COL28A1: variants seen among roughly 807,000 people sequenced by gnomAD.
COL28A1 encodes the protein collagen type XXVIII alpha 1 chain, also known as collagen alpha-1(XXVIII) chain.
In COL28A1, 161 loss-of-function variants were observed where a neutral mutation model predicts 150.2. The observed-to-expected ratio is 1.07, with a 90% CI of 0.94 to 1.22. The LOEUF is 1.22. Among genes scored for constraint, COL28A1 ranks in the 50% most tolerant of loss-of-function variants. COL28A1 has a pLI of 0.00. For missense variants in COL28A1, 1,617 were observed against 1,388.3 expected (o/e 1.16, Z -2.62); for synonymous variants, 552 against 469.7 (o/e 1.18, Z -2.26).
chr7:7,410,079 G>A (rs960652668), intron 27 of COL28A1, among the ~76,000 whole-genome samples: 5 of 152,082 alleles, frequency 3.3e-5, no homozygotes, highest in Non-Finnish European at 7.4e-5. Context: ...AGGAATGAAA[G>A]CAACTTGGTC....
In COL28A1 at chr7:7,358,691, C is replaced by T; in HGVS notation, c.3320G>A (p.Gly1107Asp). The change falls in exon 35 of 35, where the codon GGC (glycine) becomes GAC (aspartate). Residue 1107 changes from glycine to aspartate, a missense_variant. By Grantham distance (94) the Gly-to-Asp change is moderately conservative (BLOSUM62 -1). Coordinates refer to ENST00000399429, the MANE Select transcript of COL28A1 (RefSeq NM_001037763.3). ...CARFWFSGCN[G>D]SGNRFNSEKE... ...TTCACTGTTGAATCTATTTCCTGAG[C>T]CATTACAGCCACTGAACCAAAATCG... is the stretch of plus-strand genomic sequence containing the variant. The T allele has an allele frequency of 6.2e-7, 1 of 1,613,998 alleles. No individual in the cohort carries two copies. Among genetic ancestry groups the T allele is most frequent in the South Asian group, 1.1e-5 (1 of 91,070 alleles).
At chr7:7,340,757 G>A in the COL28A1 span, among the ~76,000 whole-genome samples, 4 of 151,784 alleles carry the variant, frequency 2.6e-5, no homozygotes, top group African/African-American at 9.7e-5. Flanking sequence ...ACATACAGAC[G>A]ACATATCCTT....
chr7:7,418,610 C>G (rs1476232864), intron 26 of COL28A1, among the ~76,000 whole-genome samples: 1 of 152,102 alleles, frequency 6.6e-6, no homozygotes, highest in African/African-American at 2.4e-5. Context: ...CCAGAAGTTC[C>G]TAAATTAACA....
chr7:7,364,787 C>T (rs1476780232), intron 33 of COL28A1, among the ~76,000 whole-genome samples: 2 of 152,122 alleles, frequency 1.3e-5, no homozygotes, highest in Non-Finnish European at 2.9e-5. Flanking sequence ...ATACCACTTC[C>T]CTGATAAAAG....
Position 7,360,547 on chromosome 7 carries a change from A to C in COL28A1, c.3067-19T>G. On this transcript the variant is annotated intron_variant, in intron 33 of 34. Coordinates refer to ENST00000399429, the MANE Select transcript of COL28A1 (RefSeq NM_001037763.3). ...CACTCAACTACACAAAAATATTCACATTTTGTGTTTCTGATAATATCAAGT... is the reference window on the plus strand; with the variant it reads ...CACTCAACTACACAAAAATATTCACCTTTTGTGTTTCTGATAATATCAAGT... 3.8e-6 allele frequency: 6 copies of C among 1,588,216 alleles called. No homozygotes were observed. The highest frequency in any genetic ancestry group is 5.1e-6 in the Non-Finnish European group (6 of 1,171,908).
intron 15 of COL28A1, among the ~76,000 whole-genome samples, chr7:7,464,652 A>G (rs1787919640): frequency 1.3e-5 from 2 of 152,248 alleles, no homozygotes; most frequent in African/African-American, 4.8e-5. Context: ...CCTCTGGGAT[A>G]CTGCAAAGGC....
chr7:7,472,381 C>T (rs925430364), intron 15 of COL28A1, among the ~76,000 whole-genome samples: 52 of 151,424 alleles, frequency 3.4e-4, no homozygotes, highest in African/African-American at 1.2e-3. Context: ...CAACAGCAAA[C>T]AAGCCGAGAA....
chr7:7,532,770 T>C lies in COL28A1; in HGVS notation c.106A>G (p.Arg36Gly). ...KKGPKSNLLA[R>G]KSDVQGSICF... ...TTTTTACCCTGGACATCACTTTTCC[T>C]TGCAAGCAAATTTGATTTTGGTCCT... The change falls in exon 2 of 35, where the codon AGG (arginine) becomes GGG (glycine). Residue 36 changes from arginine to glycine, a missense_variant. Arg to Gly is a moderately radical substitution (Grantham distance 125, BLOSUM62 -2). Coordinates refer to ENST00000399429, the MANE Select transcript of COL28A1 (RefSeq NM_001037763.3). The C allele has an allele frequency of 6.2e-7, 1 of 1,610,626 alleles. No individual in the cohort carries two copies. Among genetic ancestry groups the C allele is most frequent in the Non-Finnish European group, 8.5e-7 (1 of 1,178,868 alleles).
intron 27 of COL28A1, 46 bp downstream of exon 27, chr7:7,417,813 C>T (rs191909436): frequency 6.6e-7 from 1 of 1,515,396 alleles, no homozygotes; most frequent in African/African-American, 1.4e-5. Context: ...CTCCCAATCA[C>T]TCTGGTGAAA....
chr7:7,542,715 A>C, the COL28A1 span, among the ~76,000 whole-genome samples: 2 of 152,194 alleles, frequency 1.3e-5, no homozygotes, highest in Non-Finnish European at 2.9e-5. Context: ...CAGGGTTGTG[A>C]CATGATCACA....
intron 11 of COL28A1, among the ~76,000 whole-genome samples, chr7:7,493,409 C>T (rs557436547): frequency 7.2e-5 from 11 of 152,110 alleles, no homozygotes; most frequent in Admixed American, 5.2e-4. Flanking sequence ...AAGCAGCTCT[C>T]TTACCTTGAG....
rs142749159 is a variant in COL28A1, at chr7:7,461,933, C to T, written c.1303-5821G>A. On this transcript the variant is annotated intron_variant, in intron 15 of 34. Transcript: ENST00000399429. ...CACCACCTCCCAGGAGGAGGCCAAC[C>T]GGCACAAAAATACTGTACTAACCAA... is the stretch of plus-strand genomic sequence containing the variant. Among the ~76,000 whole-genome samples the T allele has an allele frequency of 5.0e-3, 761 of 152,196 alleles. 5 individuals are homozygous for T. The highest frequency in any genetic ancestry group is 0.022 in the East Asian group (115 of 5,170).
At chr7:7,444,872 A>T (rs911583490) in intron 18 of COL28A1, among the ~76,000 whole-genome samples, 16 of 152,106 alleles carry the variant, frequency 1.1e-4, no homozygotes, top group Admixed American at 4.6e-4. Context: ...TTGAATTGTA[A>T]TTCCCAGTGT....
chr7:7,482,677 C>T (rs1378456143), intron 13 of COL28A1, among the ~76,000 whole-genome samples: 1 of 152,004 alleles, frequency 6.6e-6, no homozygotes, highest in Non-Finnish European at 1.5e-5. Flanking sequence ...GGAAAGCAAG[C>T]AAGCAAGCAA....
chr7:7,369,735 A>C (rs1562478980), intron 33 of COL28A1, among the ~76,000 whole-genome samples: 1 of 152,210 alleles, frequency 6.6e-6, no homozygotes, highest in African/African-American at 2.4e-5. Context: ...CCCTGAGTCC[A>C]ACTACTGATC....
intron 27 of COL28A1, among the ~76,000 whole-genome samples, chr7:7,395,854 T>C (rs1451606515): frequency 6.6e-6 from 1 of 152,206 alleles, no homozygotes; most frequent in East Asian, 1.9e-4. Flanking sequence ...AATTACGTTA[T>C]TGCTAATTAG....
At position 7,440,815 on chromosome 7, in the gene COL28A1, C is replaced by A. The variant is rs2128320040; in HGVS notation, c.1697G>T (p.Gly566Val). 6.5e-7 allele frequency: 1 copy of A among 1,529,284 alleles called. No homozygotes were observed. The highest frequency in any genetic ancestry group is 2.3e-5 in the East Asian group (1 of 44,390). The allele number at this position is 1,529,284 out of a possible 1,614,324, so 94.7% of individuals were successfully genotyped here. A position where few individuals can be genotyped will look rare whatever the true frequency, so the allele number is the denominator to read the frequency against. The change falls in exon 21 of 35, where the codon GGA (glycine) becomes GTA (valine). Residue 566 changes from glycine (G) to valine (V), a missense_variant. Gly to Val is a moderately radical substitution (Grantham distance 109, BLOSUM62 -3). Transcript: ENST00000399429. ...KGSKGNQGQR[G>V]LPGPEGPKGE... ...CTTTGGTCCTTCGGGCCCTGGAAGT[C>A]CCCTCTGTCCTTGATTTCCTTTGCT...
intron 25 of COL28A1, among the ~76,000 whole-genome samples, chr7:7,427,878 T>C (rs1157878958): frequency 6.6e-6 from 1 of 152,228 alleles, no homozygotes; most frequent in Non-Finnish European, 1.5e-5. Context: ...ACGGACAGCA[T>C]AGGAGATTGA....
At chr7:7,535,389 TAAAG>T (rs1204316822) in intron 1 of COL28A1, among the ~76,000 whole-genome samples, 1 of 152,144 alleles carries the variant, frequency 6.6e-6, no homozygotes, top group Non-Finnish European at 1.5e-5. Context: ...AATGATTGAA[TAAAG>T]ACTTTATTCA....
Sources: gnomAD v4.1 joint callset for allele counts (sites outside exome capture counted in the v4.1 genomes callset) on GRCh38, gnomAD v4.1.1 for gene constraint, MANE v1.5 for transcripts, NCBI Gene and HGNC (gene_info 2026-07-23, HGNC 2026-07-21) for gene names.